The following DDHD1 variants were observed in gnomAD, a reference collection of about 807,000 sequenced individuals.
DDHD1 encodes DDHD domain containing 1, also known as phospholipase DDHD1.
Under a neutral mutation model 96.4 loss-of-function variants are expected in DDHD1, and 49 were observed. The observed-to-expected ratio is 0.51, with a 90% CI of 0.40 to 0.64. The LOEUF (loss-of-function observed/expected upper bound fraction) is 0.64. Among genes scored for constraint, DDHD1 ranks in the 30% least tolerant of loss-of-function variants. The pLI is 0.00. For synonymous variants in DDHD1, 442 were observed against 446.5 expected (o/e 0.99, Z 0.13); for missense variants, 1,106 against 1,161.2 (o/e 0.95, Z 0.69).
chr14:53,139,441 C>A (rs760161792), intron 1 of DDHD1, among the ~76,000 whole-genome samples: 2 of 152,144 alleles, frequency 1.3e-5, no homozygotes, highest in Admixed American at 6.6e-5. Context: ...AACCAGCCCT[C>A]TACTCGAAAT....
chr14:53,078,822 A>G (rs993989295), intron 4 of DDHD1, among the ~76,000 whole-genome samples: 2 of 152,202 alleles, frequency 1.3e-5, no homozygotes, highest in South Asian at 4.1e-4. Context: ...CTATTAAAGA[A>G]TAAGTTTAGC....
intron 4 of DDHD1, among the ~76,000 whole-genome samples, chr14:53,081,046 T>C (rs147344790): frequency 5.3e-5 from 8 of 152,308 alleles, no homozygotes; most frequent in East Asian, 1.9e-4. Flanking sequence ...TTAAAAGACA[T>C]TGCATTATAA....
chr14:53,089,556 A>C (rs1339511099), intron 4 of DDHD1, among the ~76,000 whole-genome samples: 4 of 152,170 alleles, frequency 2.6e-5, no homozygotes, highest in Admixed American at 1.3e-4. Context: ...CAAAAACAAG[A>C]AATGGGGAAA....
At position 53,099,941 on chromosome 14, in the gene DDHD1, T is replaced by C. The variant is rs541134396; in HGVS notation, c.1012+3742A>G. 6.6e-5 allele frequency among the ~76,000 whole-genome samples: 10 copies of C among 152,312 alleles called. No individual in the cohort carries two copies. The South Asian group carries it at 2.1e-3, about 32-fold the overall frequency. ...ACACTGTACCAAATTTTCATGTTTT[T>C]TTTAATTCAATGCTCATTTTGAGAT... On this transcript the variant is annotated intron_variant, in intron 2 of 12. Coordinates refer to ENST00000673822, the MANE Select transcript of DDHD1 (RefSeq NM_001160148.2).
intron 1 of DDHD1, among the ~76,000 whole-genome samples, chr14:53,113,339 TTTTC>T (rs1461735006): frequency 6.7e-5 from 10 of 150,080 alleles, no homozygotes; most frequent in East Asian, 3.9e-4. Context: ...CCATTCTATA[TTTTC>T]TTTTTCTTTT....
chr14:53,061,863 A>T (rs187529707), intron 7 of DDHD1, among the ~76,000 whole-genome samples: 91 of 152,034 alleles, frequency 6.0e-4, no homozygotes, highest in African/African-American at 2.1e-3. Context: ...GTGAAATCTC[A>T]TCTCTACTAA....
intron 1 of DDHD1, among the ~76,000 whole-genome samples, chr14:53,123,046 T>A (rs1889125902): frequency 6.6e-6 from 1 of 151,796 alleles, no homozygotes; most frequent in Admixed American, 6.6e-5. Context: ...AACAGTCTAT[T>A]CCTAAGTATA....
Position 53,044,965 on chromosome 14 carries a change from GGAAC to G in DDHD1, c.*1799_*1802del, listed in dbSNP as rs1257568369. 2.0e-5 allele frequency: 3 copies of G among 152,170 alleles called. No individual in the cohort carries two copies. The highest frequency in any genetic ancestry group is 4.4e-5 in the Non-Finnish European group (3 of 68,026). The allele number at this position is 152,170 out of a possible 1,614,324, so 9.4% of individuals were successfully genotyped here. On this transcript the variant is annotated 3_prime_UTR_variant, in exon 13 of 13. Transcript: ENST00000673822. ...GTTAAGAAAAGACAGCACCTTAAGT[GGAAC>G]CTAGTGGAAACCACTCAGAAGTGAG...
chr14:53,150,486 G>A (rs1891269169), intron 1 of DDHD1, among the ~76,000 whole-genome samples: 2 of 152,172 alleles, frequency 1.3e-5, no homozygotes, highest in South Asian at 2.1e-4. Context: ...AATAATCAAT[G>A]TCAAAAATCA....
rs771632283 is a variant in DDHD1, at chr14:53,152,833, T to C, written c.266A>G (p.Tyr89Cys). 5.2e-5 allele frequency: 83 copies of C among 1,611,122 alleles called. No homozygotes were observed. The South Asian group carries it at 5.9e-4, about 12-fold the overall frequency. Residue 89 changes from tyrosine (Y) to cysteine (C), a missense_variant, in exon 1 of 13, where the codon TAT (tyrosine) becomes TGT (cysteine). Physicochemically the swap from Tyr to Cys is radical, Grantham distance 194. Around this residue, in one of 2 missense-constraint regions of DDHD1, gnomAD observed 456 missense variants for 402.4 expected, o/e 1.13. Coordinates refer to ENST00000673822, the MANE Select transcript of DDHD1 (RefSeq NM_001160148.2). ...GCCCGACTCGGCGGAGCTGAAGTCA[T>C]AGTTCTCGTCACTGAGGCAGGGGTC... Reference protein sequence around the residue: ...ALDPCLSDENYDFSSAESGSS... With the variant: ...ALDPCLSDENCDFSSAESGSS...
chr14:53,112,606 A>G (rs1425585174), intron 1 of DDHD1, among the ~76,000 whole-genome samples: 3 of 152,180 alleles, frequency 2.0e-5, no homozygotes, highest in Admixed American at 6.5e-5. Flanking sequence ...CTTATTCTAC[A>G]TTACTAATAT....
rs575436722 is a variant in DDHD1 at position 53,144,242 on chromosome 14, G to A, written c.838+8019C>T. On this transcript the variant is annotated intron_variant, in intron 1 of 12. Coordinates refer to ENST00000673822, the MANE Select transcript of DDHD1 (RefSeq NM_001160148.2). ...TGTTTTCCAGTGAAAGGCAAAGAGC[G>A]GAATCATGGGTAACTTGTGCTAATC... Among the ~76,000 whole-genome samples the A allele has an allele frequency of 9.2e-5, 14 of 152,322 alleles. No homozygotes were observed. In the East Asian group the frequency reaches 1.5e-3, roughly 17 times the overall value.
At position 53,055,712 on chromosome 14, in the gene DDHD1, G is replaced by A. The variant is rs1882987067; in HGVS notation, c.2193C>T (p.Ser731=). 6.2e-7 allele frequency: 1 copy of A among 1,613,962 alleles called. No individual in the cohort carries two copies. Among genetic ancestry groups the A allele is most frequent in the South Asian group, 1.1e-5 (1 of 91,066 alleles). ...TTATAGATTCTCCATAGTGTCGGCG[G>A]GACAAAACTGGTGAGGTCACAGGGC... ...IPSPVTSPVL[S]RRHYGESITN... The change falls in exon 10 of 13, where the codon TCC becomes TCT. Residue 731 remains serine, a synonymous_variant. Transcript: ENST00000673822.
intron 8 of DDHD1, among the ~76,000 whole-genome samples, chr14:53,059,279 C>T (rs1490105721): frequency 6.6e-6 from 1 of 152,068 alleles, no homozygotes; most frequent in East Asian, 1.9e-4. Context: ...GAGTCTCGCT[C>T]TGTCACCCAG....
chr14:53,090,727 T>TG (rs1886365465), intron 4 of DDHD1, among the ~76,000 whole-genome samples: 1 of 151,586 alleles, frequency 6.6e-6, no homozygotes, highest in South Asian at 2.1e-4. Flanking sequence ...CCCACTGGGG[T>TG]GGGGGGATGG....
Position 53,058,463 on chromosome 14 carries a change from A to G in DDHD1, c.1992+14T>C, listed in dbSNP as rs1009171948. The G allele has an allele frequency of 1.9e-6, 3 of 1,601,586 alleles. No homozygotes were observed. The highest frequency in any genetic ancestry group is 2.6e-6 in the Non-Finnish European group (3 of 1,176,062). On this transcript the variant is annotated intron_variant, in intron 9 of 12. Transcript: ENST00000673822. ...TTGACATTGAGAAAAAAAAGAGTCT[A>G]TATTGCAACTCACCACTGGATCTGT...
intron 6 of DDHD1, among the ~76,000 whole-genome samples, chr14:53,068,448 G>T (rs1884235306): frequency 6.6e-6 from 1 of 151,858 alleles, no homozygotes; most frequent in African/African-American, 2.4e-5. Context: ...ACAGGGTCTG[G>T]CTATGTTGTC....
chr14:53,089,858 C>T (rs921376354), intron 4 of DDHD1, among the ~76,000 whole-genome samples: 5 of 152,008 alleles, frequency 3.3e-5, no homozygotes, highest in Non-Finnish European at 5.9e-5. Flanking sequence ...GCAACAAAAG[C>T]CAAAATTGAC....
intron 1 of DDHD1, among the ~76,000 whole-genome samples, chr14:53,133,594 T>C (rs1439186238): frequency 6.6e-6 from 1 of 152,142 alleles, no homozygotes; most frequent in Non-Finnish European, 1.5e-5. Flanking sequence ...GACTGGACAG[T>C]ACTTTTACCA....
Sources: gnomAD v4.1 joint callset for allele counts (sites outside exome capture counted in the v4.1 genomes callset) on GRCh38, gnomAD v4.1.1 for gene constraint, gnomAD v4.1.1 regional missense constraint, MANE v1.5 for transcripts, NCBI Gene and HGNC (gene_info 2026-07-23, HGNC 2026-07-21) for gene names.